DBF4B: variants seen among roughly 807,000 people sequenced by gnomAD.
DBF4B encodes protein DBF4 homolog B.
A neutral mutation model predicts 53.4 loss-of-function variants in DBF4B; 49 were observed. The observed-to-expected ratio is 0.92, with a 90% CI of 0.73 to 1.16. DBF4B has a LOEUF of 1.16. Among genes scored for constraint, DBF4B ranks in the 50% most tolerant of loss-of-function variants. The pLI is 0.00. For missense variants in DBF4B, 692 were observed against 775.0 expected, an observed-to-expected ratio of 0.89 and a Z score of 1.27; for synonymous variants, 257 against 288.7, an observed-to-expected ratio of 0.89 and a Z score of 1.11.
Position 44,747,156 on chromosome 17 carries a change from G to A in DBF4B, c.904G>A (p.Glu302Lys), listed in dbSNP as rs150863404. The A allele has an allele frequency of 7.0e-5, 113 of 1,614,048 alleles. No homozygotes were observed. The highest frequency in any genetic ancestry group is 1.1e-4 in the East Asian group (5 of 44,890). The change falls in exon 11 of 14, where the codon GAG (glutamate) becomes AAG (lysine). Residue 302 changes from glutamate to lysine, a missense_variant. By Grantham distance (56) the Glu-to-Lys change is moderately conservative. Around this residue, in one of 3 missense-constraint regions of DBF4B, gnomAD observed 597 missense variants for 665.8 expected, o/e 0.90. Coordinates refer to ENST00000315005, the MANE Select transcript of DBF4B (RefSeq NM_145663.3). ...GCCCAGGAGGAAGAAAGGCTACTGC[G>A]AGTGCTGTCAGGAGGCCTTCGAGGA... is the stretch of plus-strand genomic sequence containing the variant. ...TMPRRKKGYC[E>K]CCQEAFEELH...
At chr17:44,738,861 A>G (rs1161433242) in intron 9 of DBF4B, among the ~76,000 whole-genome samples, 1 of 152,174 alleles carries the variant, frequency 6.6e-6, no homozygotes, top group Non-Finnish European at 1.5e-5. Context: ...GGTACTGGGG[A>G]TTCCCTTGTC....
rs1253696968 is a variant in DBF4B at position 44,722,911 on chromosome 17, G to T, written c.114G>T (p.Lys38Asn). Residue 38 changes from lysine to asparagine, a missense_variant, in exon 3 of 14, where the codon AAG (lysine) becomes AAT (asparagine). Lys to Asn is a moderately conservative substitution (Grantham distance 94). Around this residue, in one of 3 missense-constraint regions of DBF4B, gnomAD observed 66 missense variants for 51.3 expected, o/e 1.29. Transcript: ENST00000315005. ...GVSRCLGKCQ[K>N]NSPGARKHPF... ...CCAGGTGTCTAGGAAAATGCCAGAA[G>T]AACTCACCAGGTGCCAGGAAGCATC... The T allele has an allele frequency of 6.2e-7, 1 of 1,614,114 alleles. No individual in the cohort carries two copies. Among genetic ancestry groups the T allele is most frequent in the South Asian group, 1.1e-5 (1 of 91,082 alleles).
At chr17:44,739,746 A>C (rs891396041) in intron 9 of DBF4B, among the ~76,000 whole-genome samples, 3 of 152,102 alleles carry the variant, frequency 2.0e-5, no homozygotes, top group Non-Finnish European at 4.4e-5. Context: ...CAGAGAGGAG[A>C]TCCAACTGGA....
chr17:44,719,770 A>G, intron 2 of DBF4B: 1 of 211,222 alleles, frequency 4.7e-6, no homozygotes. Flanking sequence ...TCAGAACACC[A>G]ATTTGTGAGG....
chr17:44,736,144 G>A (rs1029187696), intron 7 of DBF4B, among the ~76,000 whole-genome samples: 27 of 148,258 alleles, frequency 1.8e-4, no homozygotes, highest in African/African-American at 6.7e-4. Flanking sequence ...ACCATGCCTG[G>A]CTAATTTTTT....
At chr17:44,722,101 T>G (rs1348980264) in intron 2 of DBF4B, among the ~76,000 whole-genome samples, 1 of 149,456 alleles carries the variant, frequency 6.7e-6, no homozygotes, top group Non-Finnish European at 1.5e-5. Context: ...GCCATTGCAC[T>G]CCAGCCTGGG....
At position 44,738,384 on chromosome 17, in the gene DBF4B, A is replaced by G; in HGVS notation, c.673A>G (p.Arg225Gly). The change falls in exon 9 of 14, where the codon AGA becomes GGA. Residue 225 changes from arginine to glycine, a missense_variant. Transcript: ENST00000315005. Reference protein sequence around the residue: ...AAESRTRKVARLKAPFLKIED... With the variant: ...AAESRTRKVAGLKAPFLKIED... Reference sequence around the variant, plus strand: ...GTGCATTCTTCCCCTTTCAGTGGCCAGACTGAAGGCCCCGTTCCTCAAAAT... The same window carrying G: ...GTGCATTCTTCCCCTTTCAGTGGCCGGACTGAAGGCCCCGTTCCTCAAAAT... The G allele has an allele frequency of 6.2e-7, 1 of 1,613,638 alleles. No homozygotes were observed. Among genetic ancestry groups the G allele is most frequent in the Non-Finnish European group, 8.5e-7 (1 of 1,179,634 alleles).
Position 44,723,029 on chromosome 17 carries a change from A to ACT in DBF4B, c.225+7_225+8insCT. 1 of 1,613,864 alleles carries ACT rather than the reference A, an allele frequency of 6.2e-7. No individual in the cohort carries two copies. On this transcript the variant is annotated splice_region_variant and intron_variant, in intron 3 of 13. Transcript: ENST00000315005. ...CATTCAGCAACTGGGTGGGGTAGGT[A>ACT]ACCTGCTCTTCTCCTGCGATGCCAT...
intron 1 of DBF4B, among the ~76,000 whole-genome samples, 165 bp from the exon 2 acceptor site, chr17:44,709,139 A>G (rs1471371209): frequency 6.6e-6 from 1 of 152,112 alleles, no homozygotes; most frequent in African/African-American, 2.4e-5. Context: ...CATGAGGGGC[A>G]AGAGCCTGGC....
Position 44,750,878 on chromosome 17 carries a change from G to A in DBF4B, c.1473G>A (p.Lys491=). ...NSFAPADIPV[K]GPLLFPEARP... is the part of the protein sequence containing the mutation. ...TTGCCCCGGCGGACATTCCTGTTAA[G>A]GGCCCACTCCTCTTCCCTGAAGCCA... is the stretch of plus-strand genomic sequence containing the variant. Residue 491 remains lysine (K), a synonymous_variant, in exon 14 of 14, where the codon AAG becomes AAA. Transcript: ENST00000315005. 4 of 1,614,144 alleles carry A rather than the reference G, an allele frequency of 2.5e-6. No homozygotes were observed. Among genetic ancestry groups the A allele is most frequent in the Non-Finnish European group, 3.4e-6 (4 of 1,179,982 alleles).
At chr17:44,723,707 C>A (rs565689631) in intron 3 of DBF4B, among the ~76,000 whole-genome samples, 3 of 151,216 alleles carry the variant, frequency 2.0e-5, no homozygotes, top group Non-Finnish European at 4.4e-5. Context: ...TGCAGTAAGC[C>A]GAGATTGTAC....
intron 3 of DBF4B, 95 bp from the exon 4 acceptor site, chr17:44,729,810 C>T (rs1974681748): frequency 4.4e-6 from 6 of 1,364,528 alleles, no homozygotes; most frequent in Non-Finnish European, 6.0e-6. Flanking sequence ...GATTCTGGAA[C>T]TCCTGGCAGC....
At chr17:44,708,977 G>A in intron 1 of DBF4B, 138 bp downstream of exon 1, 1 of 1,209,208 alleles carries the variant, frequency 8.3e-7, no homozygotes, top group Non-Finnish European at 1.2e-6. Flanking sequence ...GGGCCGGGAA[G>A]GAGCCACAGG....
In DBF4B at chr17:44,749,534, A is replaced by G. The variant is rs774815230; in HGVS notation, c.1190-1061A>G. ...TCACGCTCAGCTCCATGGAGCTGAC[A>G]GAGCCACCCCTCCCACTGGCCAGGT... On this transcript the variant is annotated intron_variant, in intron 13 of 13. Transcript: ENST00000315005. The surrounding 1 kb of genome is among the most constrained non-coding windows in gnomAD (Gnocchi z 4.4). 131 of 1,229,364 alleles carry G rather than the reference A, an allele frequency of 1.1e-4. No individual in the cohort carries two copies. Among genetic ancestry groups the G allele is most frequent in the Admixed American group, 1.4e-4 (5 of 35,666 alleles). The allele number at this position is 1,229,364 out of a possible 1,614,324, so 76.2% of individuals were successfully genotyped here.
intron 3 of DBF4B, among the ~76,000 whole-genome samples, chr17:44,729,172 G>A (rs759404971): frequency 6.6e-6 from 1 of 151,648 alleles, no homozygotes; most frequent in Non-Finnish European, 1.5e-5. Flanking sequence ...TAGTGGTAAA[G>A]TGTATATAAC....
intron 2 of DBF4B, among the ~76,000 whole-genome samples, chr17:44,710,129 C>T (rs140226966): frequency 3.2e-4 from 49 of 151,928 alleles, no homozygotes; most frequent in Non-Finnish European, 5.7e-4. Context: ...GCCGAGATTG[C>T]GCCACTGCAC....
rs2049279358 is a variant in DBF4B at position 44,751,635 on chromosome 17, C to T, written c.*382C>T. 4 of 1,374,180 alleles carry T rather than the reference C, an allele frequency of 2.9e-6. No individual in the cohort carries two copies. The South Asian group carries it at 5.0e-5, about 17-fold the overall frequency. 85.1% of individuals were successfully genotyped at this position (1,374,180 alleles called of 1,614,324 possible). On this transcript the variant is annotated 3_prime_UTR_variant, in exon 14 of 14. Coordinates refer to ENST00000315005, the MANE Select transcript of DBF4B (RefSeq NM_145663.3). Reference sequence around the variant, plus strand: ...CACTTGAGTTGATTCAGTAAATCGACTTCAAATACTTGAAGGCTCCCACCT... The same window carrying T: ...CACTTGAGTTGATTCAGTAAATCGATTTCAAATACTTGAAGGCTCCCACCT...
Position 44,751,177 on chromosome 17 carries a change from G to A in DBF4B, c.1772G>A (p.Cys591Tyr), listed in dbSNP as rs983675045. 1 of 1,613,832 alleles carries A rather than the reference G, an allele frequency of 6.2e-7. No individual in the cohort carries two copies. The highest frequency in any genetic ancestry group is 8.5e-7 in the Non-Finnish European group (1 of 1,180,012). Residue 591 changes from cysteine (C) to tyrosine (Y), a missense_variant, in exon 14 of 14, where the codon TGC becomes TAC. Cys to Tyr is a radical substitution (Grantham distance 194). Coordinates refer to ENST00000315005, the MANE Select transcript of DBF4B (RefSeq NM_145663.3). Reference sequence around the variant, plus strand: ...AATGATCATGACCTTGGACATCTCTGCCAGGCCAAACCCCAAGGCTGGAAC... The same window carrying A: ...AATGATCATGACCTTGGACATCTCTACCAGGCCAAACCCCAAGGCTGGAAC... ...YLNDHDLGHL[C>Y]QAKPQGWNTP...
chr17:44,726,320 ATTT>A (rs1463905729), intron 3 of DBF4B, among the ~76,000 whole-genome samples: 1 of 146,414 alleles, frequency 6.8e-6, no homozygotes, highest in African/African-American at 2.6e-5. Flanking sequence ...TTATTTATTT[ATTT>A]ATTTATTTAT....
Sources: gnomAD v4.1 joint callset for allele counts (sites outside exome capture counted in the v4.1 genomes callset) on GRCh38, gnomAD v4.1.1 for gene constraint, gnomAD v4.1.1 regional missense constraint, Gnocchi (gnomAD v3.1) non-coding constraint, MANE v1.5 for transcripts, NCBI Gene and HGNC (gene_info 2026-07-23, HGNC 2026-07-21) for gene names.